RPAP2: variants seen among roughly 807,000 people sequenced by gnomAD.
RPAP2 encodes putative RNA polymerase II subunit B1 CTD phosphatase RPAP2.
RPAP2 carries 52 observed loss-of-function variants against 73.1 expected under a neutral mutation model. The ratio of observed to expected loss-of-function variants is 0.71; its 90% confidence interval spans 0.57 to 0.90. The LOEUF (loss-of-function observed/expected upper bound fraction) is 0.90, where lower values mean the gene tolerates loss of function less well. Ranked by LOEUF, RPAP2 falls within the 40% of genes least tolerant of loss-of-function variation. The pLI is 0.00. For synonymous variants in RPAP2, 225 were observed against 242.1 expected (o/e 0.93, Z 0.65); for missense variants, 598 against 701.8 (o/e 0.85, Z 1.67).
chr1:92,312,514 A>G (rs968070162), intron 6 of RPAP2, among the ~76,000 whole-genome samples: 3 of 152,208 alleles, frequency 2.0e-5, no homozygotes, highest in Non-Finnish European at 4.4e-5. Flanking sequence ...TACCATTTCA[A>G]CGATGTTGAC....
At chr1:92,320,856 C>T (rs1040181811) in intron 7 of RPAP2, among the ~76,000 whole-genome samples, 2 of 152,060 alleles carry the variant, frequency 1.3e-5, no homozygotes, top group Non-Finnish European at 2.9e-5. Flanking sequence ...CTGTTCCTCC[C>T]GAGGAAATCT....
At chr1:92,379,431 T>C (rs1655525141) in intron 11 of RPAP2, among the ~76,000 whole-genome samples, 1 of 152,176 alleles carries the variant, frequency 6.6e-6, no homozygotes, top group South Asian at 2.1e-4. Flanking sequence ...GTCAGGGTCT[T>C]TAATCTTTAT....
intron 11 of RPAP2, among the ~76,000 whole-genome samples, chr1:92,347,610 A>C (rs1308453480): frequency 6.6e-6 from 1 of 152,236 alleles, no homozygotes; most frequent in Non-Finnish European, 1.5e-5. Flanking sequence ...ATAGCAAAGA[A>C]CTGAAAAAGT....
rs529486211 is a variant in RPAP2, at chr1:92,350,395, A to C, written c.1688+4481A>C. Reference sequence around the variant, plus strand: ...CTTTTTTTAGAAGAACTCATTAGAAATGCAATAAAATAACCTGATAATTGC... The same window carrying C: ...CTTTTTTTAGAAGAACTCATTAGAACTGCAATAAAATAACCTGATAATTGC... On this transcript the variant is annotated intron_variant, in intron 11 of 12. Coordinates refer to ENST00000610020, the MANE Select transcript of RPAP2 (RefSeq NM_024813.3). Among the ~76,000 whole-genome samples, 7 of 152,354 alleles carry C rather than the reference A, an allele frequency of 4.6e-5. No homozygotes were observed. The South Asian group carries it at 1.4e-3, about 32-fold the overall frequency.
intron 11 of RPAP2, among the ~76,000 whole-genome samples, chr1:92,350,908 G>C (rs1309750303): frequency 3.3e-5 from 5 of 151,990 alleles, no homozygotes; most frequent in African/African-American, 1.2e-4. Context: ...CTCCAGCCTG[G>C]GCGACAGAGC....
Position 92,300,266 on chromosome 1 carries a change from T to C in RPAP2, c.119+27T>C, listed in dbSNP as rs760283229. On this transcript the variant is annotated intron_variant, in intron 2 of 12. Transcript: ENST00000610020. ...TATGACAGCTACATGGACAACTACATTGGCATATCTACTTATCTTGTATTA... is the reference window on the plus strand; with the variant it reads ...TATGACAGCTACATGGACAACTACACTGGCATATCTACTTATCTTGTATTA... 1.8e-5 allele frequency: 28 copies of C among 1,556,824 alleles called. No individual in the cohort carries two copies. The African/African-American group carries it at 1.9e-4, about 11-fold the overall frequency.
chr1:92,353,724 T>G (rs548467513), intron 11 of RPAP2, among the ~76,000 whole-genome samples: 3 of 152,308 alleles, frequency 2.0e-5, no homozygotes, highest in African/African-American at 7.2e-5. Flanking sequence ...ACCTGTTTAC[T>G]GAGGATTAAG....
rs370575333 is a variant in RPAP2 at position 92,358,670 on chromosome 1, C to T, written c.1688+12756C>T. Among the ~76,000 whole-genome samples, 9 of 152,108 alleles carry T rather than the reference C, an allele frequency of 5.9e-5. No homozygotes were observed. In the South Asian group the frequency reaches 8.3e-4, roughly 14 times the overall value. On this transcript the variant is annotated intron_variant, in intron 11 of 12. Coordinates refer to ENST00000610020, the MANE Select transcript of RPAP2 (RefSeq NM_024813.3). ...TGGCACAGTCGCAGCTCACTAAAGC[C>T]TTAATCTCCTGAGTTCAAGTGATCC...
rs1656114458 is a variant in RPAP2, at chr1:92,393,797, G to C, written c.*6786G>C. 1 of 152,202 alleles carries C rather than the reference G, an allele frequency of 6.6e-6. No individual in the cohort carries two copies. Among genetic ancestry groups the C allele is most frequent in the South Asian group, 2.1e-4 (1 of 4,832 alleles). 9.4% of individuals were successfully genotyped at this position (152,202 alleles called of 1,614,324 possible). A position where few individuals can be genotyped will look rare whatever the true frequency, so the allele number is the denominator to read the frequency against. ...GTGAGATACCATCTCATGCCAGTTA[G>C]AATGGCGATCATTAAAAATCAGGAA... On this transcript the variant is annotated 3_prime_UTR_variant, in exon 13 of 13. Coordinates refer to ENST00000610020, the MANE Select transcript of RPAP2 (RefSeq NM_024813.3).
At chr1:92,378,918 A>T (rs988569360) in intron 11 of RPAP2, among the ~76,000 whole-genome samples, 1 of 152,222 alleles carries the variant, frequency 6.6e-6, no homozygotes, top group African/African-American at 2.4e-5. Context: ...AATACAGGAG[A>T]GATGGTAAAG....
rs368600333 is a variant in RPAP2, at chr1:92,319,810, C to T, written c.489-789C>T. 7.2e-5 allele frequency among the ~76,000 whole-genome samples: 11 copies of T among 152,178 alleles called. No homozygotes were observed. The East Asian group carries it at 1.5e-3, about 21-fold the overall frequency. On this transcript the variant is annotated intron_variant, in intron 6 of 12. Transcript: ENST00000610020. ...AGTCAGGAGTTCAAGACCAGCCTGACCAACATGGAGAAACCCCATCTCTAC... is the reference window on the plus strand; with the variant it reads ...AGTCAGGAGTTCAAGACCAGCCTGATCAACATGGAGAAACCCCATCTCTAC...
intron 12 of RPAP2, among the ~76,000 whole-genome samples, chr1:92,382,550 T>A (rs1408709583): frequency 6.6e-6 from 1 of 152,220 alleles, no homozygotes; most frequent in East Asian, 1.9e-4. Context: ...ATGTGTCTTT[T>A]GGCTGCATAA....
intron 12 of RPAP2, among the ~76,000 whole-genome samples, chr1:92,386,765 A>G (rs1655878843): frequency 6.6e-6 from 1 of 152,066 alleles, no homozygotes; most frequent in African/African-American, 2.4e-5. Context: ...CAATGGTGCA[A>G]TCTTGGCTCA....
intron 10 of RPAP2, among the ~76,000 whole-genome samples, chr1:92,343,348 C>T (rs1653702728): frequency 6.6e-6 from 1 of 152,110 alleles, no homozygotes; most frequent in Non-Finnish European, 1.5e-5. Flanking sequence ...ATATTATTGT[C>T]CTTATTTTAC....
intron 11 of RPAP2, among the ~76,000 whole-genome samples, chr1:92,358,987 T>G (rs962359383): frequency 7.9e-5 from 12 of 152,220 alleles, no homozygotes; most frequent in African/African-American, 2.9e-4. Flanking sequence ...CCAAACTTCT[T>G]GAAGAGCAAG....
At chr1:92,304,557 C>T (rs1414448339) in intron 5 of RPAP2, among the ~76,000 whole-genome samples, 2 of 152,024 alleles carry the variant, frequency 1.3e-5, no homozygotes, top group Non-Finnish European at 2.9e-5. Flanking sequence ...TTTGCTTAAG[C>T]TTCAATTAAG....
intron 12 of RPAP2, among the ~76,000 whole-genome samples, chr1:92,382,775 A>C (rs372179051): frequency 1.4e-4 from 21 of 152,084 alleles, no homozygotes; most frequent in Admixed American, 1.1e-3. Context: ...TAGTTTAATT[A>C]GATCCCATTT....
intron 10 of RPAP2, among the ~76,000 whole-genome samples, chr1:92,336,683 A>G (rs964533091): frequency 4.6e-5 from 7 of 152,192 alleles, no homozygotes; most frequent in Non-Finnish European, 1.0e-4. Flanking sequence ...AAGGAAAATT[A>G]TATCTATGAT....
rs558521954 is a variant in RPAP2 at position 92,391,604 on chromosome 1, T to C, written c.*4593T>C. Reference sequence around the variant, plus strand: ...TCAGTGAATCCAGGAGCTAGTTTTTTGAAAAGATCAACAAAATTGATAGAC... The same window carrying C: ...TCAGTGAATCCAGGAGCTAGTTTTTCGAAAAGATCAACAAAATTGATAGAC... On this transcript the variant is annotated 3_prime_UTR_variant, in exon 13 of 13. Transcript: ENST00000610020. 6.6e-6 allele frequency: 1 copy of C among 152,192 alleles called. No individual in the cohort carries two copies. The highest frequency in any genetic ancestry group is 2.4e-5 in the African/African-American group (1 of 41,532). The allele number at this position is 152,192 out of a possible 1,614,324, so 9.4% of individuals were successfully genotyped here. A position where few individuals can be genotyped will look rare whatever the true frequency, so the allele number is the denominator to read the frequency against.
Sources: gnomAD v4.1 joint callset for allele counts (sites outside exome capture counted in the v4.1 genomes callset) on GRCh38, gnomAD v4.1.1 for gene constraint, MANE v1.5 for transcripts, NCBI Gene and HGNC (gene_info 2026-07-23, HGNC 2026-07-21) for gene names.